FKBP7: variants seen among roughly 807,000 people sequenced by gnomAD.
FKBP7 encodes FKBP prolyl isomerase 7, also known as peptidyl-prolyl cis-trans isomerase FKBP7.
Under a neutral mutation model 24.3 loss-of-function variants are expected in FKBP7, and 24 were observed. The observed-to-expected ratio is 0.99, with a 90% CI of 0.72 to 1.39. FKBP7 has a LOEUF of 1.39. Ranked by LOEUF, FKBP7 falls within the 40% of genes most tolerant of loss-of-function variation. FKBP7 has a pLI of 0.00. For missense variants in FKBP7, 257 were observed against 269.5 expected, an observed-to-expected ratio of 0.95 and a Z score of 0.33; for synonymous variants, 98 against 92.8, an observed-to-expected ratio of 1.06 and a Z score of -0.32.
At chr2:178,474,260 A>G (rs1255826298) in intron 2 of FKBP7, among the ~76,000 whole-genome samples, 1 of 152,232 alleles carries the variant, frequency 6.6e-6, no homozygotes, top group African/African-American at 2.4e-5. Context: ...TCAAGCAGCA[A>G]CACGGAGCAA....
intron 2 of FKBP7, among the ~76,000 whole-genome samples, chr2:178,475,723 A>G (rs1273088861): frequency 6.6e-6 from 1 of 152,110 alleles, no homozygotes; most frequent in African/African-American, 2.4e-5. Context: ...GGCCATTTGT[A>G]GTTTTTTGTT....
rs545787975 is a variant in FKBP7, at chr2:178,478,138, A to ATT, written c.221+139_221+140dup. 1,453 of 810,560 alleles carry ATT rather than the reference A, an allele frequency of 1.8e-3. 24 individuals carry two copies. Among genetic ancestry groups the ATT allele is most frequent in the South Asian group, 0.017 (953 of 55,430 alleles). 50.2% of individuals were successfully genotyped at this position (810,560 alleles called of 1,614,324 possible). On this transcript the variant is annotated intron_variant, in intron 1 of 3. Coordinates refer to ENST00000424785, the MANE Select transcript of FKBP7 (RefSeq NM_181342.3). ...TAGAGAAACACTGCCATATAATGTG[A>ATT]TTTTTTTTAATGAATAAAGGGCTCA...
chr2:178,477,296 C>A, intron 1 of FKBP7, 83 bp from the exon 2 acceptor site: 1 of 1,374,666 alleles, frequency 7.3e-7, no homozygotes. Context: ...AATTGGAGTC[C>A]TCTCTAACCA....
chr2:178,466,304 A>G (rs1684655886), intron 3 of FKBP7, among the ~76,000 whole-genome samples: 1 of 152,180 alleles, frequency 6.6e-6, no homozygotes, highest in Non-Finnish European at 1.5e-5. Context: ...TATAATCTCT[A>G]AAACTAATGA....
rs752057634 is a variant in FKBP7 at position 178,477,192 on chromosome 2, G to A, written c.243C>T (p.His81=). The stretch of plus-strand genomic sequence containing the variant: ...CAACACCAAGAACAAACCATTTGGG[G>A]TGGCCTTCATTTTGTGTCCGGCTAT... The part of the protein sequence containing the change: ...FYCSRTQNEG[H]PKWFVLGVGQ... The change falls in exon 2 of 4, where the codon CAC becomes CAT. Residue 81 remains histidine (H), a synonymous_variant. Coordinates refer to ENST00000424785, the MANE Select transcript of FKBP7 (RefSeq NM_181342.3). 23 of 1,610,588 alleles carry A rather than the reference G, an allele frequency of 1.4e-5. No homozygotes were observed. In the East Asian group the frequency reaches 4.7e-4, roughly 33 times the overall value.
At chr2:178,466,732 T>A (rs183677820) in intron 3 of FKBP7, among the ~76,000 whole-genome samples, 219 of 152,328 alleles carry the variant, frequency 1.4e-3, no homozygotes, top group African/African-American at 5.1e-3. Flanking sequence ...CTGTATCTTT[T>A]TACTTTTTAA....
At chr2:178,470,853 G>A (rs1398460187) in intron 2 of FKBP7, among the ~76,000 whole-genome samples, 2 of 151,892 alleles carry the variant, frequency 1.3e-5, no homozygotes. Flanking sequence ...ACATTTTTAA[G>A]CAATAAGTTG....
intron 2 of FKBP7, among the ~76,000 whole-genome samples, chr2:178,473,542 T>C (rs895053002): frequency 6.6e-6 from 1 of 152,200 alleles, no homozygotes; most frequent in Admixed American, 6.5e-5. Context: ...AAGCATAAAT[T>C]AGTTTATGAA....
rs913055087 is a variant in FKBP7, at chr2:178,478,567, G to A, written c.-68C>T. ...CGCCCCGTGGATGTCCCGCGGCCGA[G>A]TTCCGACGCGTGGCAGGCGTTGTCC... On this transcript the variant is annotated 5_prime_UTR_variant, in exon 1 of 4. Transcript: ENST00000424785. 2.5e-6 allele frequency: 4 copies of A among 1,592,880 alleles called. No individual in the cohort carries two copies. In the African/African-American group the frequency reaches 5.4e-5, roughly 21 times the overall value.
rs759186080 is a variant in FKBP7 at position 178,471,211 on chromosome 2, A to AT, written c.374-1427dup. Among the ~76,000 whole-genome samples the AT allele has an allele frequency of 1.6e-3, 212 of 129,910 alleles. 1 individual carries two copies. The highest frequency in any genetic ancestry group is 1.8e-3 in the East Asian group (8 of 4,376). 85.2% of individuals were successfully genotyped at this position (129,910 alleles called of 152,430 possible). On this transcript the variant is annotated intron_variant, in intron 2 of 3. Coordinates refer to ENST00000424785, the MANE Select transcript of FKBP7 (RefSeq NM_181342.3). ...GTTAACCTATTAGCTGATGTCACAG[A>AT]TTTTTTTTTTTTTTTTAGACAAGAA...
intron 3 of FKBP7, chr2:178,468,019 A>C (rs1320434293): frequency 6.6e-6 from 1 of 152,216 alleles, no homozygotes; most frequent in Non-Finnish European, 1.5e-5. Context: ...CTGTTGGCCA[A>C]CCAAGATGCC....
chr2:178,472,912 TTTTTTA>T (rs1684892796), intron 2 of FKBP7: 1 of 323,880 alleles, frequency 3.1e-6, no homozygotes, highest in Non-Finnish European at 5.8e-6. Context: ...TTTTTTTTTT[TTTTTTA>T]AAAAAAACTA....
Position 178,465,697 on chromosome 2 carries a change from G to A in FKBP7, c.*73C>T. The A allele has an allele frequency of 7.4e-7, 1 of 1,345,968 alleles. No individual in the cohort carries two copies. Among genetic ancestry groups the A allele is most frequent in the South Asian group, 1.8e-5 (1 of 56,814 alleles). The allele number at this position is 1,345,968 out of a possible 1,614,324, so 83.4% of individuals were successfully genotyped here. A position where few individuals can be genotyped will look rare whatever the true frequency, so the allele number is the denominator to read the frequency against. The stretch of plus-strand genomic sequence containing the variant: ...AGGGGAAAAATAGCAAATACAACTT[G>A]GAGAAAAGTGACTTTGTTTTATACA... On this transcript the variant is annotated 3_prime_UTR_variant, in exon 4 of 4. Coordinates refer to ENST00000424785, the MANE Select transcript of FKBP7 (RefSeq NM_181342.3).
chr2:178,469,290 CT>C (rs1684778568), intron 3 of FKBP7, among the ~76,000 whole-genome samples: 1 of 152,142 alleles, frequency 6.6e-6, no homozygotes, highest in South Asian at 2.1e-4. Context: ...CTTGCTAGCT[CT>C]TTTCATCATC....
chr2:178,469,532 C>A, intron 3 of FKBP7, 120 bp downstream of exon 3: 1 of 1,023,316 alleles, frequency 9.8e-7, no homozygotes, highest in African/African-American at 1.6e-5. Context: ...GTGACCAGCT[C>A]TATAAAAGCA....
intron 1 of FKBP7, 97 bp downstream of exon 1, chr2:178,478,182 T>C: frequency 7.1e-7 from 1 of 1,402,472 alleles, no homozygotes; most frequent in South Asian, 1.3e-5. Context: ...CGTTAAAAAA[T>C]AAAACCCCAA....
rs530903833 is a variant in FKBP7 at position 178,465,692 on chromosome 2, A to G, written c.*78T>C. 21 of 1,324,850 alleles carry G rather than the reference A, an allele frequency of 1.6e-5. 1 individual carries two copies. The highest frequency in any genetic ancestry group is 2.8e-4 in the Middle Eastern group (1 of 3,592). The allele number at this position is 1,324,850 out of a possible 1,614,324, so 82.1% of individuals were successfully genotyped here. A position where few individuals can be genotyped will look rare whatever the true frequency, so the allele number is the denominator to read the frequency against. On this transcript the variant is annotated 3_prime_UTR_variant, in exon 4 of 4. Coordinates refer to ENST00000424785, the MANE Select transcript of FKBP7 (RefSeq NM_181342.3). ...CTCATAGGGGAAAAATAGCAAATAC[A>G]ACTTGGAGAAAAGTGACTTTGTTTT...
At position 178,465,574 on chromosome 2, in the gene FKBP7, AAC is replaced by A; in HGVS notation, c.*194_*195del. On this transcript the variant is annotated 3_prime_UTR_variant, in exon 4 of 4. Transcript: ENST00000424785. The stretch of plus-strand genomic sequence containing the variant: ...TTGTTTACAGAATAAAGCAGTAGGA[AAC>A]ACAGTCATACCATTCCTGCAAGTTA... 1 of 427,766 alleles carries A rather than the reference AAC, an allele frequency of 2.3e-6. No individual in the cohort carries two copies. The highest frequency in any genetic ancestry group is 4.0e-6 in the Non-Finnish European group (1 of 248,928). The allele number at this position is 427,766 out of a possible 1,614,324, so 26.5% of individuals were successfully genotyped here.
At chr2:178,475,333 G>C (rs536587776) in intron 2 of FKBP7, among the ~76,000 whole-genome samples, 3 of 152,156 alleles carry the variant, frequency 2.0e-5, no homozygotes, top group Admixed American at 6.5e-5. Flanking sequence ...AGGTTCGAGC[G>C]ATTCTCCTGC....
Sources: gnomAD v4.1 joint callset for allele counts (sites outside exome capture counted in the v4.1 genomes callset) on GRCh38, gnomAD v4.1.1 for gene constraint, MANE v1.5 for transcripts, NCBI Gene and HGNC (gene_info 2026-07-23, HGNC 2026-07-21) for gene names.